The following PRELID2 variants were observed in gnomAD, a reference collection of about 807,000 sequenced individuals.
PRELID2 encodes the protein PRELI domain containing 2.
In PRELID2, 25 loss-of-function variants were observed where a neutral mutation model predicts 28.4. The observed-to-expected ratio is 0.88, with a 90% CI of 0.64 to 1.23. PRELID2 has a LOEUF of 1.23. PRELID2 is among the 50% of genes most tolerant of loss of function. PRELID2 has a pLI of 0.00. For missense variants in PRELID2, 201 were observed against 214.4 expected, an observed-to-expected ratio of 0.94 and a Z score of 0.39; for synonymous variants, 76 against 71.6, an observed-to-expected ratio of 1.06 and a Z score of -0.31.
intron 1 of PRELID2, among the ~76,000 whole-genome samples, chr5:145,597,982 T>C (rs1049793704): frequency 2.0e-5 from 3 of 152,224 alleles, no homozygotes; most frequent in Admixed American, 2.0e-4. Context: ...TAAGATGCTA[T>C]TGGAGAAAAT....
Position 145,835,038 on chromosome 5 carries a change from C to A in PRELID2, c.75+139G>T, listed in dbSNP as rs557042868. 1.4e-4 allele frequency: 83 copies of A among 602,314 alleles called. No homozygotes were observed. The South Asian group carries it at 1.7e-3, about 12-fold the overall frequency. 37.3% of individuals were successfully genotyped at this position (602,314 alleles called of 1,614,324 possible). On this transcript the variant is annotated intron_variant, in intron 1 of 6. Coordinates refer to ENST00000683046, the MANE Select transcript of PRELID2 (RefSeq NM_205846.3). ...AGGGAGTCTTCGAGGAAATCCCTCT[C>A]GACCCACACATCCCTGAAGCAAAGC...
At chr5:145,521,892 G>T (rs1389614150) in intron 1 of PRELID2, among the ~76,000 whole-genome samples, 1 of 152,138 alleles carries the variant, frequency 6.6e-6, no homozygotes, top group Admixed American at 6.6e-5. Flanking sequence ...GTTCCAACTT[G>T]TATTTGACCA....
intron 1 of PRELID2, among the ~76,000 whole-genome samples, chr5:145,484,959 C>T (rs1752202276): frequency 6.6e-6 from 1 of 152,146 alleles, no homozygotes; most frequent in Non-Finnish European, 1.5e-5. Context: ...GCTCTTCTAG[C>T]TTCTGAGGGT....
intron 1 of PRELID2, among the ~76,000 whole-genome samples, chr5:145,680,715 G>C (rs1754915711): frequency 6.6e-6 from 1 of 152,108 alleles, no homozygotes; most frequent in Non-Finnish European, 1.5e-5. Flanking sequence ...TAGCCCCTGA[G>C]ATTCTTATAA....
the PRELID2 span, among the ~76,000 whole-genome samples, chr5:145,260,406 T>A: frequency 5.3e-5 from 8 of 151,914 alleles, no homozygotes; most frequent in African/African-American, 1.9e-4. Context: ...ACATAATAAA[T>A]AGGGAAAACT....
chr5:145,653,718 C>T (rs1486890306), intron 1 of PRELID2, among the ~76,000 whole-genome samples: 1 of 152,196 alleles, frequency 6.6e-6, no homozygotes, highest in Non-Finnish European at 1.5e-5. Context: ...AAAGACACAA[C>T]ATACCAGAAT....
intron 1 of PRELID2, among the ~76,000 whole-genome samples, chr5:145,612,682 C>A (rs566283485): frequency 2.2e-4 from 33 of 152,292 alleles, no homozygotes; most frequent in African/African-American, 7.5e-4. Flanking sequence ...CATAGCTTAG[C>A]TCCCACATAT....
intron 1 of PRELID2, among the ~76,000 whole-genome samples, chr5:145,659,508 T>C (rs895385161): frequency 9.2e-5 from 14 of 152,328 alleles, no homozygotes; most frequent in African/African-American, 3.1e-4. Context: ...ACCTAGCAGC[T>C]GGAAAGTTGG....
At chr5:145,433,959 G>A in the PRELID2 span, among the ~76,000 whole-genome samples, 646 of 152,184 alleles carry the variant, frequency 4.2e-3, 5 homozygotes, top group East Asian at 0.039. Context: ...TCTGACCACC[G>A]CAGGCAGTCT....
the PRELID2 span, among the ~76,000 whole-genome samples, chr5:145,459,407 C>T: frequency 2.0e-5 from 3 of 151,980 alleles, no homozygotes; most frequent in Admixed American, 6.6e-5. Context: ...ATTTCTTAAG[C>T]TGACCCAGAA....
chr5:145,590,565 C>T (rs2149630646), intron 1 of PRELID2, among the ~76,000 whole-genome samples: 2 of 152,254 alleles, frequency 1.3e-5, no homozygotes, highest in Middle Eastern at 3.4e-3. Flanking sequence ...TCATCTACTA[C>T]AATAATAAAG....
chr5:145,600,098 T>C (rs972641435), intron 1 of PRELID2, among the ~76,000 whole-genome samples: 1 of 147,874 alleles, frequency 6.8e-6, no homozygotes, highest in African/African-American at 2.5e-5. Flanking sequence ...AAGATCTAAA[T>C]AGCCAGAAGA....
the PRELID2 span, among the ~76,000 whole-genome samples, chr5:145,359,630 C>T: frequency 3.3e-5 from 5 of 152,164 alleles, no homozygotes; most frequent in Non-Finnish European, 1.5e-5. Flanking sequence ...AAAGCCACTC[C>T]TTGGAGCAAG....
chr5:145,278,826 T>C, the PRELID2 span, among the ~76,000 whole-genome samples: 1 of 152,162 alleles, frequency 6.6e-6, no homozygotes, highest in Non-Finnish European at 1.5e-5. Context: ...GTCTTACTCT[T>C]ATCAATAGCA....
intron 4 of PRELID2, among the ~76,000 whole-genome samples, chr5:145,811,366 G>A (rs536741046): frequency 1.1e-4 from 16 of 152,182 alleles, no homozygotes; most frequent in South Asian, 2.1e-4. Context: ...ACAGCTCACC[G>A]TAACCTTGAC....
At chr5:145,591,782 C>T (rs1753232209) in intron 1 of PRELID2, among the ~76,000 whole-genome samples, 2 of 152,202 alleles carry the variant, frequency 1.3e-5, no homozygotes, top group Admixed American at 1.3e-4. Flanking sequence ...ACTAACTTTG[C>T]TAATGCTCAT....
At chr5:145,783,255 G>A (rs574355893) in intron 5 of PRELID2, among the ~76,000 whole-genome samples, 10 of 152,194 alleles carry the variant, frequency 6.6e-5, no homozygotes, top group Non-Finnish European at 1.5e-4. Flanking sequence ...CAACCAGGAT[G>A]AATTCAAATG....
chr5:145,432,642 C>A, the PRELID2 span, among the ~76,000 whole-genome samples: 2 of 151,668 alleles, frequency 1.3e-5, no homozygotes, highest in African/African-American at 2.4e-5. Flanking sequence ...GGGGAGATGG[C>A]GGGGGGCACT....
chr5:145,381,890 C>A, the PRELID2 span, among the ~76,000 whole-genome samples: 1 of 151,114 alleles, frequency 6.6e-6, no homozygotes, highest in African/African-American at 2.4e-5. Flanking sequence ...TATTTAAAAC[C>A]CAGAAAACTG....
Sources: allele counts gnomAD v4.1 joint callset (sites outside exome capture counted in the v4.1 genomes callset), GRCh38; gene constraint gnomAD v4.1.1; transcripts MANE v1.5; gene names NCBI Gene and HGNC (gene_info 2026-07-23, HGNC 2026-07-21).